The following DNAJC10 variants were observed in gnomAD, a reference collection of about 807,000 sequenced individuals.
The protein encoded by DNAJC10 is DnaJ heat shock protein family (Hsp40) member C10.
A neutral mutation model predicts 115.0 loss-of-function variants in DNAJC10; 101 were observed. That is an observed-to-expected ratio of 0.88 (90% CI 0.75 to 1.04). The LOEUF (loss-of-function observed/expected upper bound fraction) is 1.04, where lower values mean the gene tolerates loss of function less well. Among genes scored for constraint, DNAJC10 ranks in the 50% least tolerant of loss-of-function variants. The pLI is 0.00. For synonymous variants in DNAJC10, 307 were observed against 301.5 expected (o/e 1.02, Z -0.19); for missense variants, 981 against 928.8 (o/e 1.06, Z -0.73).
At chr2:182,740,131 G>A in intron 11 of DNAJC10, 168 bp from the exon 12 acceptor site, 1 of 1,136,986 alleles carries the variant, frequency 8.8e-7, no homozygotes, top group South Asian at 2.6e-5. Context: ...TTTGATAATT[G>A]CCAAAATACA....
intron 14 of DNAJC10, among the ~76,000 whole-genome samples, chr2:182,745,658 T>G (rs1007657394): frequency 1.6e-4 from 25 of 152,216 alleles, no homozygotes; most frequent in Non-Finnish European, 3.1e-4. Flanking sequence ...TGTGGACTAT[T>G]AGGGAAAACA....
chr2:182,719,721 T>A (rs1693096934), intron 3 of DNAJC10, among the ~76,000 whole-genome samples: 1 of 152,016 alleles, frequency 6.6e-6, no homozygotes, highest in African/African-American at 2.4e-5. Flanking sequence ...TCAGCTGCAT[T>A]TTTTAGGAAG....
At chr2:182,729,301 C>T (rs1693376201) in intron 7 of DNAJC10, among the ~76,000 whole-genome samples, 1 of 151,912 alleles carries the variant, frequency 6.6e-6, no homozygotes, top group African/African-American at 2.4e-5. Context: ...GGCACCCGCT[C>T]CCATGTCTGG....
chr2:182,753,078 G>C (rs1489400155), intron 16 of DNAJC10, among the ~76,000 whole-genome samples: 1 of 152,066 alleles, frequency 6.6e-6, no homozygotes, highest in East Asian at 1.9e-4. Flanking sequence ...GTTATATGGA[G>C]GGGAGTCCTT....
At chr2:182,750,402 A>G (rs1229510331) in intron 14 of DNAJC10, among the ~76,000 whole-genome samples, 1 of 152,186 alleles carries the variant, frequency 6.6e-6, no homozygotes, top group Admixed American at 6.5e-5. Flanking sequence ...AAAGAAGTCA[A>G]GGCTCACTCT....
rs1693048757 is a variant in DNAJC10, at chr2:182,718,227, C to T, written c.141C>T (p.Ser47=). 1.2e-6 allele frequency: 2 copies of T among 1,612,986 alleles called. No individual in the cohort carries two copies. Among genetic ancestry groups the T allele is most frequent in the Admixed American group, 1.7e-5 (1 of 59,918 alleles). The part of the protein sequence containing the change: ...YSLLGVSKTA[S]SREIRQAFKK... Reference sequence around the variant, plus strand: ...TACTTGGAGTGTCCAAAACTGCAAGCAGTAGAGAAATAAGACAAGCTTTCA... The same window carrying T: ...TACTTGGAGTGTCCAAAACTGCAAGTAGTAGAGAAATAAGACAAGCTTTCA... The change falls in exon 3 of 24, where the codon AGC becomes AGT. Residue 47 remains serine, a synonymous_variant. Transcript: ENST00000264065.
chr2:182,729,294 A>G (rs955567366), intron 7 of DNAJC10, among the ~76,000 whole-genome samples: 1 of 151,846 alleles, frequency 6.6e-6, no homozygotes, highest in African/African-American at 2.4e-5. Context: ...GACTACAGGC[A>G]CCCGCTCCCA....
chr2:182,755,331 A>T (rs1420476545), intron 17 of DNAJC10, among the ~76,000 whole-genome samples: 2 of 152,086 alleles, frequency 1.3e-5, no homozygotes, highest in Non-Finnish European at 2.9e-5. Context: ...ACAGTGCCTT[A>T]TAAACAATGG....
At chr2:182,753,707 C>T (rs534674386) in intron 16 of DNAJC10, among the ~76,000 whole-genome samples, 38 of 149,906 alleles carry the variant, frequency 2.5e-4, no homozygotes, top group South Asian at 1.5e-3. Flanking sequence ...CTTAGCCTGC[C>T]GAGTAGGTGG....
intron 22 of DNAJC10, among the ~76,000 whole-genome samples, chr2:182,767,716 C>T (rs1287340410): frequency 6.6e-6 from 1 of 152,124 alleles, no homozygotes; most frequent in Non-Finnish European, 1.5e-5. Flanking sequence ...CCAGCATCAT[C>T]CGTCCACCAA....
chr2:182,788,512 A>G lies in DNAJC10; in HGVS notation c.*11380A>G. ...TAGGAGAAAATGGGAGTAAAAACAAAATGTATAAAAAGTATTAAAATTTGA... is the reference window on the plus strand; with the variant it reads ...TAGGAGAAAATGGGAGTAAAAACAAGATGTATAAAAAGTATTAAAATTTGA... On this transcript the variant is annotated 3_prime_UTR_variant, in exon 24 of 24. Coordinates refer to ENST00000264065, the MANE Select transcript of DNAJC10 (RefSeq NM_018981.4). The G allele has an allele frequency of 9.9e-6, 2 of 201,582 alleles. No individual in the cohort carries two copies. The highest frequency in any genetic ancestry group is 2.0e-5 in the Non-Finnish European group (2 of 98,866). 12.5% of individuals were successfully genotyped at this position (201,582 alleles called of 1,614,324 possible). A position where few individuals can be genotyped will look rare whatever the true frequency, so the allele number is the denominator to read the frequency against.
In DNAJC10 at chr2:182,779,796, G is replaced by T. The variant is rs1388436714; in HGVS notation, c.*2664G>T. The T allele has an allele frequency of 5.9e-5, 9 of 151,918 alleles. No individual in the cohort carries two copies. The highest frequency in any genetic ancestry group is 2.2e-4 in the African/African-American group (9 of 41,352). The allele number at this position is 151,918 out of a possible 1,614,324, so 9.4% of individuals were successfully genotyped here. On this transcript the variant is annotated 3_prime_UTR_variant, in exon 24 of 24. Coordinates refer to ENST00000264065, the MANE Select transcript of DNAJC10 (RefSeq NM_018981.4). ...AAGTGGGAATTTTTTTAGAAGTACGGTTATCAAAAAAACACATTTCCTATG... is the reference window on the plus strand; with the variant it reads ...AAGTGGGAATTTTTTTAGAAGTACGTTTATCAAAAAAACACATTTCCTATG...
At chr2:182,730,527 A>G in intron 8 of DNAJC10, 1 of 452,150 alleles carries the variant, frequency 2.2e-6, no homozygotes, top group Non-Finnish European at 4.4e-6. Context: ...AGGTACTATT[A>G]TTATAGAGCT....
At chr2:182,764,840 T>C (rs1037013866) in intron 22 of DNAJC10, among the ~76,000 whole-genome samples, 1 of 152,176 alleles carries the variant, frequency 6.6e-6, no homozygotes, top group Non-Finnish European at 1.5e-5. Flanking sequence ...TGTTTCCCTT[T>C]TACTTGTAAT....
intron 5 of DNAJC10, among the ~76,000 whole-genome samples, chr2:182,724,325 A>G (rs900450141): frequency 1.3e-5 from 2 of 152,216 alleles, no homozygotes; most frequent in Non-Finnish European, 1.5e-5. Context: ...TTATCTGTAA[A>G]ATGACCTGAT....
intron 10 of DNAJC10, among the ~76,000 whole-genome samples, chr2:182,734,056 CT>C (rs1574927402): frequency 2.1e-5 from 3 of 145,388 alleles, no homozygotes; most frequent in South Asian, 4.3e-4. Flanking sequence ...CTTTATAAGT[CT>C]TTTCAAAGTC....
chr2:182,725,853 T>C (rs1693270269), intron 5 of DNAJC10, among the ~76,000 whole-genome samples: 2 of 152,192 alleles, frequency 1.3e-5, no homozygotes, highest in African/African-American at 4.8e-5. Context: ...CAGCCTTCCA[T>C]TGGAAGAAGA....
chr2:182,762,962 C>T (rs979417741), intron 22 of DNAJC10, among the ~76,000 whole-genome samples, 161 bp downstream of exon 22: 2 of 151,978 alleles, frequency 1.3e-5, no homozygotes, highest in South Asian at 2.1e-4. Context: ...GTATACCAAG[C>T]GATCTTAAAA....
At chr2:182,719,467 C>G (rs1425807339) in intron 3 of DNAJC10, among the ~76,000 whole-genome samples, 5 of 151,818 alleles carry the variant, frequency 3.3e-5, no homozygotes, top group African/African-American at 1.2e-4. Context: ...GTTGGCCAGG[C>G]TGGTCTCGAT....
Sources: allele counts gnomAD v4.1 joint callset (sites outside exome capture counted in the v4.1 genomes callset), GRCh38; gene constraint gnomAD v4.1.1; transcripts MANE v1.5; gene names NCBI Gene and HGNC (gene_info 2026-07-23, HGNC 2026-07-21).